The following NTM variants were observed in gnomAD, a reference collection of about 807,000 sequenced individuals.
The protein encoded by NTM is IgLON family member 2.
Under a neutral mutation model 42.1 loss-of-function variants are expected in NTM, and 13 were observed. That is an observed-to-expected ratio of 0.31 (90% CI 0.20 to 0.49). NTM has a LOEUF of 0.49. Among genes scored for constraint, NTM ranks in the 20% least tolerant of loss-of-function variants. The probability of loss-of-function intolerance (pLI) is 0.99; values close to 1 mark genes in which losing one functional copy is unlikely to be tolerated. For synonymous variants in NTM, 187 were observed against 179.2 expected, an observed-to-expected ratio of 1.04 and a Z score of -0.35; for missense variants, 373 against 452.8, an observed-to-expected ratio of 0.82 and a Z score of 1.60.
chr11:131,777,494 C>T (rs1463681935), intron 1 of NTM, among the ~76,000 whole-genome samples: 1 of 127,244 alleles, frequency 7.9e-6, no homozygotes, highest in Non-Finnish European at 1.6e-5. Flanking sequence ...CATGCAGTGC[C>T]AGGCTCTTCT....
At position 131,739,435 on chromosome 11, in the gene NTM, G is replaced by A. The variant is rs539818717; in HGVS notation, c.83-172129G>A. 8.5e-5 allele frequency among the ~76,000 whole-genome samples: 13 copies of A among 152,276 alleles called. No homozygotes were observed. In the East Asian group the frequency reaches 2.5e-3, roughly 29 times the overall value. ...CCTTGAAAGGCCGCAGGGATAATGA[G>A]CTGCCATTATTGCATCAGTGCAATT... On this transcript the variant is annotated intron_variant, in intron 1 of 8. Coordinates refer to ENST00000683400, the MANE Select transcript of NTM (RefSeq NM_001352005.2).
intron 2 of NTM, among the ~76,000 whole-genome samples, chr11:131,950,214 A>G (rs182879242): frequency 3.9e-5 from 6 of 152,242 alleles, no homozygotes; most frequent in Admixed American, 6.5e-5. Flanking sequence ...TTGCCCTGCA[A>G]TGTATGGCAG....
At chr11:131,944,384 G>A (rs2060130057) in intron 2 of NTM, among the ~76,000 whole-genome samples, 2 of 152,190 alleles carry the variant, frequency 1.3e-5, no homozygotes, top group Admixed American at 1.3e-4. Context: ...CAGTTTTGCA[G>A]GAGGGGGCTC....
At chr11:131,393,114 G>C (rs932074412) in intron 1 of NTM, among the ~76,000 whole-genome samples, 3 of 152,088 alleles carry the variant, frequency 2.0e-5, no homozygotes, top group African/African-American at 7.2e-5. Flanking sequence ...TCTCTGTCTG[G>C]AACGCCCTCT....
intron 1 of NTM, chr11:131,538,593 T>C (rs1334966190): frequency 6.6e-6 from 1 of 152,338 alleles, no homozygotes; most frequent in Non-Finnish European, 1.5e-5. Context: ...GGAGGAGCTC[T>C]GGAGCAGAGC....
intron 1 of NTM, among the ~76,000 whole-genome samples, chr11:131,682,082 T>C (rs2073047594): frequency 6.6e-6 from 1 of 152,146 alleles, no homozygotes; most frequent in Non-Finnish European, 1.5e-5. Context: ...ACGCACCTAG[T>C]GACACCTTTC....
intron 4 of NTM, among the ~76,000 whole-genome samples, chr11:132,217,467 C>T (rs2084135207): frequency 6.6e-6 from 1 of 151,380 alleles, no homozygotes; most frequent in Non-Finnish European, 1.5e-5. Context: ...TTCTTTCTCT[C>T]TGCCTCCTGA....
intron 4 of NTM, among the ~76,000 whole-genome samples, chr11:132,247,251 C>T (rs2091313445): frequency 6.6e-6 from 1 of 152,178 alleles, no homozygotes; most frequent in Non-Finnish European, 1.5e-5. Flanking sequence ...CTAGAACATC[C>T]ATCCTTGGAC....
At chr11:131,701,989 A>C (rs1211643759) in intron 1 of NTM, among the ~76,000 whole-genome samples, 1 of 152,242 alleles carries the variant, frequency 6.6e-6, no homozygotes, top group African/African-American at 2.4e-5. Context: ...TGTGTCACAC[A>C]ACCATGGCTC....
rs529697021 is a variant in NTM, at chr11:132,121,100, A to C, written c.168-25182A>C. On this transcript the variant is annotated intron_variant, in intron 2 of 8. Coordinates refer to ENST00000683400, the MANE Select transcript of NTM (RefSeq NM_001352005.2). ...GCAGTGTTCACAGGAGAAAAGTAGA[A>C]GGGGCCAGCGGTTTCATTCCCATTT... Among the ~76,000 whole-genome samples the C allele has an allele frequency of 2.2e-3, 341 of 152,310 alleles. 4 individuals are homozygous for C. The highest frequency in any genetic ancestry group is 7.6e-3 in the African/African-American group (317 of 41,556).
intron 1 of NTM, among the ~76,000 whole-genome samples, chr11:131,599,585 A>T (rs944004589): frequency 6.6e-6 from 1 of 152,186 alleles, no homozygotes; most frequent in Admixed American, 6.5e-5. Context: ...ATTCATTCTA[A>T]ATAATTATTG....
intron 1 of NTM, chr11:131,795,715 G>A: frequency 3.0e-6 from 3 of 985,370 alleles, no homozygotes; most frequent in Non-Finnish European, 3.6e-6. Flanking sequence ...TCTGTGCTGG[G>A]CATTGCCTGA....
intron 1 of NTM, among the ~76,000 whole-genome samples, chr11:131,861,953 C>A (rs762797681): frequency 6.6e-6 from 1 of 152,198 alleles, no homozygotes; most frequent in Non-Finnish European, 1.5e-5. Flanking sequence ...ACATCCAGAG[C>A]CCACTGTTAA....
At chr11:131,437,919 A>G (rs533528011) in intron 1 of NTM, among the ~76,000 whole-genome samples, 1 of 152,278 alleles carries the variant, frequency 6.6e-6, no homozygotes, top group East Asian at 1.9e-4. Context: ...AGTGGCTGGT[A>G]CCAGTTTTTC....
intron 2 of NTM, among the ~76,000 whole-genome samples, chr11:131,916,247 G>T (rs909469766): frequency 6.6e-6 from 1 of 152,196 alleles, no homozygotes; most frequent in African/African-American, 2.4e-5. Flanking sequence ...CCCAATGCAT[G>T]GGTGTCATTC....
chr11:131,494,681 A>C (rs1196835705), intron 1 of NTM, among the ~76,000 whole-genome samples: 1 of 152,212 alleles, frequency 6.6e-6, no homozygotes. Flanking sequence ...TGAATGTTTC[A>C]TCTATCCATG....
chr11:131,928,625 G>A (rs1185700043), intron 2 of NTM, among the ~76,000 whole-genome samples: 1 of 146,210 alleles, frequency 6.8e-6, no homozygotes, highest in Non-Finnish European at 1.5e-5. Context: ...TCTCCCGTCT[G>A]TGTTTTGTCC....
At chr11:132,316,087 C>CTCCTCA (rs1445307878) in intron 7 of NTM, among the ~76,000 whole-genome samples, 1 of 151,740 alleles carries the variant, frequency 6.6e-6, no homozygotes, top group Admixed American at 6.6e-5. Flanking sequence ...ACCCACAGCA[C>CTCCTCA]TCCTCATCCT....
chr11:131,689,747 C>T (rs1333076962), intron 1 of NTM, among the ~76,000 whole-genome samples: 1 of 152,174 alleles, frequency 6.6e-6, no homozygotes, highest in African/African-American at 2.4e-5. Context: ...GCTTGGACTG[C>T]ACTCCTCAGA....
Sources: gnomAD v4.1 joint callset for allele counts (sites outside exome capture counted in the v4.1 genomes callset) on GRCh38, gnomAD v4.1.1 for gene constraint, MANE v1.5 for transcripts, NCBI Gene and HGNC (gene_info 2026-07-23, HGNC 2026-07-21) for gene names.